Variants in FLVCR1 observed in about 807,000 individuals in gnomAD.
FLVCR1 encodes FLVCR choline and heme transporter 1, also known as choline/ethanolamine transporter FLVCR1.
Under a neutral mutation model 53.6 loss-of-function variants are expected in FLVCR1, and 34 were observed. That is an observed-to-expected ratio of 0.63 (90% CI 0.48 to 0.84). FLVCR1 has a LOEUF of 0.84. Ranked by LOEUF, FLVCR1 falls within the 40% of genes least tolerant of loss-of-function variation. The pLI, the probability that FLVCR1 is intolerant of heterozygous loss-of-function variation, is 0.00. For missense variants in FLVCR1, 677 were observed against 696.7 expected, an observed-to-expected ratio of 0.97 and a Z score of 0.32; for synonymous variants, 300 against 286.3, an observed-to-expected ratio of 1.05 and a Z score of -0.48.
intron 6 of FLVCR1, 55 bp from the exon 7 acceptor site, chr1:212,888,434 A>G (rs926470099): frequency 6.1e-6 from 7 of 1,152,084 alleles, no homozygotes; most frequent in Admixed American, 5.1e-5. Context: ...TTGCATCAGT[A>G]TGTGATTGTG....
chr1:212,883,659 A>G (rs1401012915), intron 4 of FLVCR1, among the ~76,000 whole-genome samples: 1 of 152,220 alleles, frequency 6.6e-6, no homozygotes, highest in Non-Finnish European at 1.5e-5. Flanking sequence ...ACAGCATCCC[A>G]TCTAAAGATT....
rs149357319 is a variant in FLVCR1 at position 212,885,970 on chromosome 1, G to A, written c.1196+574G>A. On this transcript the variant is annotated intron_variant, in intron 5 of 9. Coordinates refer to ENST00000366971, the MANE Select transcript of FLVCR1 (RefSeq NM_014053.4). ...AACAGTACTCATACCTACCACTTCC[G>A]AAGGAATTATTTCTATTCTAAAAAG... Among the ~76,000 whole-genome samples, 374 of 150,930 alleles carry A rather than the reference G, an allele frequency of 2.5e-3. 1 individual carries two copies. The highest frequency in any genetic ancestry group is 2.9e-3 in the Non-Finnish European group (195 of 67,862).
At chr1:212,872,956 A>G in intron 3 of FLVCR1, 138 bp downstream of exon 3, 3 of 835,604 alleles carry the variant, frequency 3.6e-6, no homozygotes, top group Non-Finnish European at 5.7e-6. Context: ...ACTTAAACTA[A>G]AAGCAGAAAA....
intron 3 of FLVCR1, among the ~76,000 whole-genome samples, chr1:212,880,954 T>C (rs770397203): frequency 3.3e-5 from 5 of 152,194 alleles, no homozygotes; most frequent in Non-Finnish European, 5.9e-5. Context: ...CTGTAAATGC[T>C]TCCATGATTA....
chr1:212,869,012 TAAC>T (rs1049644492), intron 2 of FLVCR1, among the ~76,000 whole-genome samples: 10 of 152,212 alleles, frequency 6.6e-5, no homozygotes, highest in Admixed American at 2.6e-4. Flanking sequence ...TGTCTTATAA[TAAC>T]CTAATATATG....
chr1:212,864,585 T>G (rs1177153866), intron 2 of FLVCR1: 1 of 152,402 alleles, frequency 6.6e-6, no homozygotes, highest in East Asian at 1.9e-4. Flanking sequence ...TAGGTAAGGT[T>G]TATTTAAGTA....
At chr1:212,893,805 C>T (rs1287143406) in intron 8 of FLVCR1, among the ~76,000 whole-genome samples, 4 of 152,010 alleles carry the variant, frequency 2.6e-5, no homozygotes, top group African/African-American at 4.8e-5. Flanking sequence ...GATGGAGTTT[C>T]GCTCTTGTTG....
intron 8 of FLVCR1, among the ~76,000 whole-genome samples, chr1:212,892,294 A>G (rs1356374571): frequency 6.6e-6 from 1 of 152,240 alleles, no homozygotes; most frequent in Admixed American, 6.5e-5. Context: ...AGAGAGGAGG[A>G]ATCAATGTCT....
At chr1:212,868,963 A>T (rs1318283408) in intron 2 of FLVCR1, among the ~76,000 whole-genome samples, 1 of 152,238 alleles carries the variant, frequency 6.6e-6, no homozygotes, top group Non-Finnish European at 1.5e-5. Flanking sequence ...TCAAAGTCAT[A>T]CAGTGAGCTG....
rs1244560428 is a variant in FLVCR1, at chr1:212,888,012, G to A, written c.1307+11G>A. 1.4e-6 allele frequency: 2 copies of A among 1,412,130 alleles called. No homozygotes were observed. Among genetic ancestry groups the A allele is most frequent in the Admixed American group, 1.7e-5 (1 of 59,740 alleles). The allele number at this position is 1,412,130 out of a possible 1,614,324, so 87.5% of individuals were successfully genotyped here. ...TGGAGGGGTGCTTGGGTAAGTATCA[G>A]ATGTGTTTAGGAGGAATGATAGCAT... On this transcript the variant is annotated intron_variant, in intron 6 of 9. Transcript: ENST00000366971.
rs528224118 is a variant in FLVCR1, at chr1:212,871,705, G to A, written c.884-973G>A. The stretch of plus-strand genomic sequence containing the variant: ...ACCTGTGAATTAGTCTTGACTTCTG[G>A]TTAGCCTAACCCTAAAGAAATCTCT... On this transcript the variant is annotated intron_variant, in intron 2 of 9. Transcript: ENST00000366971. 2.0e-5 allele frequency among the ~76,000 whole-genome samples: 3 copies of A among 152,234 alleles called. No individual in the cohort carries two copies. The South Asian group carries it at 6.2e-4, about 32-fold the overall frequency.
intron 2 of FLVCR1, among the ~76,000 whole-genome samples, chr1:212,864,074 G>A (rs1043204344): frequency 1.3e-5 from 2 of 152,136 alleles, no homozygotes; most frequent in Non-Finnish European, 2.9e-5. Context: ...TGAAGGGTTT[G>A]AAGACTAATT....
intron 8 of FLVCR1, among the ~76,000 whole-genome samples, chr1:212,894,290 A>G (rs997187744): frequency 1.3e-5 from 2 of 152,052 alleles, no homozygotes; most frequent in African/African-American, 4.8e-5. Context: ...AGTAGTTGGG[A>G]CTACAGGTGC....
At chr1:212,874,895 T>C (rs547565432) in intron 3 of FLVCR1, among the ~76,000 whole-genome samples, 8 of 145,536 alleles carry the variant, frequency 5.5e-5, no homozygotes, top group Non-Finnish European at 1.0e-4. Flanking sequence ...GCCACACTTA[T>C]AACCAACCCT....
intron 1 of FLVCR1, among the ~76,000 whole-genome samples, chr1:212,860,043 G>C (rs1293632707): frequency 6.6e-6 from 1 of 152,180 alleles, no homozygotes; most frequent in Non-Finnish European, 1.5e-5. Context: ...AGCACTTTGG[G>C]AGGCTGAGGC....
In FLVCR1 at chr1:212,895,598, T is replaced by G. The variant is rs1240799215; in HGVS notation, c.*308T>G. The G allele has an allele frequency of 2.7e-6, 1 of 371,410 alleles. No individual in the cohort carries two copies. The highest frequency in any genetic ancestry group is 2.1e-5 in the African/African-American group (1 of 48,326). The allele number at this position is 371,410 out of a possible 1,614,324, so 23.0% of individuals were successfully genotyped here. ...CGTTTACTTTTTAAAAGTCGATGTTTTTCTTTTTTGTAGAAAATGGAAGCT... is the reference window on the plus strand; with the variant it reads ...CGTTTACTTTTTAAAAGTCGATGTTGTTCTTTTTTGTAGAAAATGGAAGCT... On this transcript the variant is annotated 3_prime_UTR_variant, in exon 10 of 10. Transcript: ENST00000366971.
chr1:212,888,145 A>G (rs1413954452), intron 6 of FLVCR1, 144 bp downstream of exon 6: 5 of 634,398 alleles, frequency 7.9e-6, no homozygotes, highest in Admixed American at 2.9e-5. Context: ...GCATATAAAC[A>G]TGTAATTCTT....
intron 4 of FLVCR1, among the ~76,000 whole-genome samples, chr1:212,885,069 T>C (rs1222283451): frequency 6.6e-6 from 1 of 152,202 alleles, no homozygotes; most frequent in South Asian, 2.1e-4. Context: ...ACCTTTTTTA[T>C]TTCTTCTATT....
chr1:212,875,669 A>G (rs572481242), intron 3 of FLVCR1, among the ~76,000 whole-genome samples: 1 of 152,016 alleles, frequency 6.6e-6, no homozygotes, highest in Non-Finnish European at 1.5e-5. Context: ...GCAAAACCCC[A>G]TGTTTACTAA....
Sources: allele counts gnomAD v4.1 joint callset (sites outside exome capture counted in the v4.1 genomes callset), GRCh38; gene constraint gnomAD v4.1.1; transcripts MANE v1.5; gene names NCBI Gene and HGNC (gene_info 2026-07-23, HGNC 2026-07-21).